The following MACROD2 variants were observed in gnomAD, a reference collection of about 807,000 sequenced individuals.
MACROD2 encodes mono-ADP ribosylhydrolase 2, also known as ADP-ribose glycohydrolase MACROD2.
In MACROD2, 36 loss-of-function variants were observed where a neutral mutation model predicts 70.4. That is an observed-to-expected ratio of 0.51 (90% confidence interval 0.39 to 0.68). The LOEUF (loss-of-function observed/expected upper bound fraction) is 0.68. Ranked by LOEUF, MACROD2 falls within the 30% of genes least tolerant of loss-of-function variation. The probability of loss-of-function intolerance (pLI) is 0.00; values close to 1 mark genes in which losing one functional copy is unlikely to be tolerated. For synonymous variants in MACROD2, 172 were observed against 178.8 expected (o/e 0.96, Z 0.30); for missense variants, 496 against 538.4 (o/e 0.92, Z 0.78).
chr20:14,497,102 T>G (rs2084861891), intron 4 of MACROD2, among the ~76,000 whole-genome samples: 1 of 151,620 alleles, frequency 6.6e-6, no homozygotes. Context: ...GTAATTCTGT[T>G]TACACCAGGA....
Position 15,264,492 on chromosome 20 carries a change from A to G in MACROD2, c.540+34431A>G, listed in dbSNP as rs542582560. 5.9e-5 allele frequency among the ~76,000 whole-genome samples: 9 copies of G among 152,334 alleles called. No homozygotes were observed. In the South Asian group the frequency reaches 1.9e-3, roughly 32 times the overall value. Reference sequence around the variant, plus strand: ...TGAGGTCCCACAGAGTGTGAGACTCAAAGAAGGGCAAGATGATTGAAGCTT... The same window carrying G: ...TGAGGTCCCACAGAGTGTGAGACTCGAAGAAGGGCAAGATGATTGAAGCTT... On this transcript the variant is annotated intron_variant, in intron 6 of 17. Transcript: ENST00000684519.
At chr20:15,933,221 G>C (rs1382930136) in intron 10 of MACROD2, 55 bp from the exon 11 acceptor site, 3 of 1,546,840 alleles carry the variant, frequency 1.9e-6, no homozygotes, top group Admixed American at 1.7e-5. Context: ...GCCGTAAAGA[G>C]ATATTTCACA....
chr20:15,550,579 T>G (rs1284117435), intron 8 of MACROD2, among the ~76,000 whole-genome samples: 1 of 152,186 alleles, frequency 6.6e-6, no homozygotes, highest in East Asian at 1.9e-4. Flanking sequence ...TTTTAATAGT[T>G]TATGAGCAAT....
chr20:14,491,155 G>T (rs1309286924), intron 3 of MACROD2, among the ~76,000 whole-genome samples: 1 of 152,202 alleles, frequency 6.6e-6, no homozygotes, highest in Non-Finnish European at 1.5e-5. Context: ...AGTTATTGGA[G>T]TGCTTTGTGG....
chr20:14,755,595 A>G (rs980825729), intron 5 of MACROD2, among the ~76,000 whole-genome samples: 1 of 152,116 alleles, frequency 6.6e-6, no homozygotes, highest in Non-Finnish European at 1.5e-5. Flanking sequence ...AGGATTACTT[A>G]GCTTGCTTTG....
chr20:15,334,893 G>A (rs1300390958), intron 6 of MACROD2, among the ~76,000 whole-genome samples: 1 of 151,660 alleles, frequency 6.6e-6, no homozygotes, highest in Admixed American at 6.6e-5. Flanking sequence ...GACACAATCT[G>A]ATGAAACCAA....
chr20:15,461,768 A>G (rs1600446244), intron 7 of MACROD2, among the ~76,000 whole-genome samples: 1 of 152,288 alleles, frequency 6.6e-6, no homozygotes, highest in Middle Eastern at 3.4e-3. Flanking sequence ...TCTTGCAGTT[A>G]CTTTGCCACA....
chr20:14,019,805 G>A (rs2053047480), intron 2 of MACROD2, among the ~76,000 whole-genome samples: 1 of 152,210 alleles, frequency 6.6e-6, no homozygotes, highest in South Asian at 2.1e-4. Flanking sequence ...TTCTACAATA[G>A]TGATGTTACT....
At chr20:14,070,965 C>T (rs943181851) in intron 2 of MACROD2, among the ~76,000 whole-genome samples, 47 of 152,108 alleles carry the variant, frequency 3.1e-4, no homozygotes, top group African/African-American at 1.1e-3. Context: ...CTACAGTTAG[C>T]TTTTGCTGGG....
intron 8 of MACROD2, among the ~76,000 whole-genome samples, chr20:15,537,961 G>T (rs1490948064): frequency 6.6e-6 from 1 of 152,078 alleles, no homozygotes; most frequent in East Asian, 1.9e-4. Flanking sequence ...TTTATCCCTA[G>T]CACTTAGTAG....
chr20:15,049,278 G>A (rs1441831781), intron 5 of MACROD2, among the ~76,000 whole-genome samples: 1 of 151,708 alleles, frequency 6.6e-6, no homozygotes, highest in Non-Finnish European at 1.5e-5. Context: ...AGAAGGGTAG[G>A]AAGGGAAAGA....
intron 3 of MACROD2, among the ~76,000 whole-genome samples, chr20:14,279,698 A>G (rs933503241): frequency 2.0e-5 from 3 of 152,158 alleles, no homozygotes; most frequent in Admixed American, 6.5e-5. Flanking sequence ...ATACTGTTTA[A>G]TTGTAACCTA....
At chr20:15,786,872 A>G (rs2051937340) in intron 8 of MACROD2, among the ~76,000 whole-genome samples, 1 of 152,260 alleles carries the variant, frequency 6.6e-6, no homozygotes, top group East Asian at 1.9e-4. Flanking sequence ...TCATATAACT[A>G]TCAAAATTAA....
chr20:14,794,713 A>G (rs901089579), intron 5 of MACROD2, among the ~76,000 whole-genome samples: 2 of 152,120 alleles, frequency 1.3e-5, no homozygotes, highest in Admixed American at 6.6e-5. Context: ...GAGCATTTTA[A>G]TTAGTTTAAC....
At chr20:14,567,535 G>A (rs1454471850) in intron 4 of MACROD2, among the ~76,000 whole-genome samples, 1 of 152,024 alleles carries the variant, frequency 6.6e-6, no homozygotes, top group Non-Finnish European at 1.5e-5. Flanking sequence ...GAACATGCTA[G>A]CATGGCTATA....
intron 5 of MACROD2, among the ~76,000 whole-genome samples, chr20:15,122,105 A>C (rs2076035125): frequency 6.6e-6 from 1 of 152,182 alleles, no homozygotes; most frequent in Non-Finnish European, 1.5e-5. Flanking sequence ...TCTTCATGCT[A>C]AAACAAACAA....
intron 8 of MACROD2, among the ~76,000 whole-genome samples, chr20:15,756,918 C>G (rs565120028): frequency 6.6e-6 from 1 of 152,322 alleles, no homozygotes; most frequent in African/African-American, 2.4e-5. Flanking sequence ...TCCTCATTCC[C>G]ACTGCCTGTC....
chr20:14,010,736 A>T (rs2052890684), intron 2 of MACROD2, among the ~76,000 whole-genome samples: 1 of 151,790 alleles, frequency 6.6e-6, no homozygotes, highest in Non-Finnish European at 1.5e-5. Context: ...TCCTCTGGTG[A>T]CCTGGTGTTT....
At position 15,560,160 on chromosome 20, in the gene MACROD2, G is replaced by A. The variant is rs553660833; in HGVS notation, c.645+60313G>A. ...TTTTCCTATCATTTTATGCCTGTTCGCCTATTTGTGGCTGGCTAAAGAATT... is the reference window on the plus strand; with the variant it reads ...TTTTCCTATCATTTTATGCCTGTTCACCTATTTGTGGCTGGCTAAAGAATT... On this transcript the variant is annotated intron_variant, in intron 8 of 17. Transcript: ENST00000684519. Among the ~76,000 whole-genome samples, 9 of 152,072 alleles carry A rather than the reference G, an allele frequency of 5.9e-5. No individual in the cohort carries two copies. In the South Asian group the frequency reaches 1.7e-3, roughly 28 times the overall value.
Sources: allele counts gnomAD v4.1 joint callset (sites outside exome capture counted in the v4.1 genomes callset), GRCh38; gene constraint gnomAD v4.1.1; transcripts MANE v1.5; gene names NCBI Gene and HGNC (gene_info 2026-07-23, HGNC 2026-07-21).